WDR4: variants seen among roughly 807,000 people sequenced by gnomAD.
The protein encoded by WDR4 is WDR4 tRNA N7-guanosine methyltransferase non-catalytic subunit, also known as tRNA (guanine-N(7)-)-methyltransferase non-catalytic subunit WDR4.
A neutral mutation model predicts 48.6 loss-of-function variants in WDR4; 47 were observed. The observed-to-expected ratio is 0.97, with a 90% CI of 0.77 to 1.23. WDR4 has a LOEUF of 1.23. WDR4 is among the 50% of genes most tolerant of loss of function. The pLI, the probability that WDR4 is intolerant of heterozygous loss-of-function variation, is 0.00. For synonymous variants in WDR4, 268 were observed against 230.0 expected (o/e 1.17, Z -1.49); for missense variants, 606 against 551.6 (o/e 1.10, Z -0.99).
At chr21:42,870,619 C>T (rs1486116847) in intron 3 of WDR4, among the ~76,000 whole-genome samples, 1 of 152,122 alleles carries the variant, frequency 6.6e-6, no homozygotes, top group Non-Finnish European at 1.5e-5. Flanking sequence ...GAAACCCCTT[C>T]TCTACTAAAA....
At chr21:42,875,447 C>T (rs1225808134) in intron 2 of WDR4, among the ~76,000 whole-genome samples, 4 of 151,980 alleles carry the variant, frequency 2.6e-5, no homozygotes, top group Admixed American at 6.6e-5. Flanking sequence ...CCCAGCTACT[C>T]AGGAGGCTGA....
intron 10 of WDR4, among the ~76,000 whole-genome samples, chr21:42,851,796 C>G (rs1345865007): frequency 6.6e-6 from 1 of 152,210 alleles, no homozygotes; most frequent in East Asian, 1.9e-4. Flanking sequence ...CCATCCTGCC[C>G]CTGCTCAGCC....
At position 42,867,286 on chromosome 21, in the gene WDR4, G is replaced by A. The variant is rs926333480; in HGVS notation, c.297-3690C>T. ...CATTCCTATAATCCCAGCTACTCAG[G>A]AGGCTGAGGCAGGAGAATCGCTTGA... On this transcript the variant is annotated intron_variant, in intron 3 of 10. Transcript: ENST00000398208. Among the ~76,000 whole-genome samples the A allele has an allele frequency of 4.6e-5, 7 of 151,830 alleles. No homozygotes were observed. In the South Asian group the frequency reaches 1.5e-3, roughly 32 times the overall value.
At chr21:42,846,182 T>C (rs2057710084), downstream of WDR4, among the ~76,000 whole-genome samples, 1 of 151,520 alleles carries the variant, frequency 6.6e-6, no homozygotes, top group South Asian at 2.1e-4. Flanking sequence ...GCACTATTCC[T>C]AACAGCCAAA....
At chr21:42,874,639 C>T (rs1277767677) in intron 2 of WDR4, among the ~76,000 whole-genome samples, 5 of 151,930 alleles carry the variant, frequency 3.3e-5, no homozygotes, top group Non-Finnish European at 7.4e-5. Context: ...TGGGTGTGGC[C>T]ATCTTCTGGT....
rs2057898666 is a variant in WDR4 at position 42,853,647 on chromosome 21, C to G, written c.897G>C (p.Glu299Asp). ...CCTGGAGCACCCACAGCCCCTGGGTCTCCTCGAAAGCCACGTCCCACACTT... is the reference window on the plus strand; with the variant it reads ...CCTGGAGCACCCACAGCCCCTGGGTGTCCTCGAAAGCCACGTCCCACACTT... ...QHQVWDVAFE[E>D]TQGLWVLQDC... Residue 299 changes from glutamate (E) to aspartate (D), a missense_variant, in exon 9 of 11, where the codon GAG becomes GAC. Physicochemically the swap from Glu to Asp is conservative, Grantham distance 45. Transcript: ENST00000398208. 2 of 1,604,008 alleles carry G rather than the reference C, an allele frequency of 1.2e-6. No individual in the cohort carries two copies. The highest frequency in any genetic ancestry group is 1.3e-5 in the African/African-American group (1 of 74,900).
chr21:42,875,351 A>C (rs1165185768), intron 2 of WDR4, among the ~76,000 whole-genome samples: 1 of 152,138 alleles, frequency 6.6e-6, no homozygotes, highest in Non-Finnish European at 1.5e-5. Flanking sequence ...GGAGATCGAG[A>C]CCATCCTGGC....
At chr21:42,883,600 G>A (rs1396500325), upstream of WDR4, 2 of 153,738 alleles carry the variant, frequency 1.3e-5, no homozygotes, top group African/African-American at 2.4e-5. Flanking sequence ...TATGTGTACT[G>A]AGAAGAGAAG....
In WDR4 at chr21:42,860,539, T is replaced by A. The variant is rs534771640; in HGVS notation, c.567-817A>T. ...GGGGTGGCCCGTGAGCCTCACTCCATCTCCACCAGTCATGGCCTCTGCTAC... is the reference window on the plus strand; with the variant it reads ...GGGGTGGCCCGTGAGCCTCACTCCAACTCCACCAGTCATGGCCTCTGCTAC... On this transcript the variant is annotated intron_variant, in intron 5 of 10. Transcript: ENST00000398208. Among the ~76,000 whole-genome samples the A allele has an allele frequency of 3.9e-5, 6 of 152,200 alleles. No homozygotes were observed. The South Asian group carries it at 1.2e-3, about 32-fold the overall frequency.
chr21:42,870,137 G>C (rs2058338684), intron 3 of WDR4, among the ~76,000 whole-genome samples: 1 of 152,028 alleles, frequency 6.6e-6, no homozygotes, highest in South Asian at 2.1e-4. Flanking sequence ...GATCACCTGA[G>C]GTCATGAGTT....
upstream of WDR4, among the ~76,000 whole-genome samples, chr21:42,882,692 G>A (rs1485310356): frequency 6.6e-6 from 1 of 152,122 alleles, no homozygotes; most frequent in African/African-American, 2.4e-5. Flanking sequence ...GCCAGGCACG[G>A]TGACTCACAC....
intron 3 of WDR4, among the ~76,000 whole-genome samples, chr21:42,873,009 C>T (rs1403160293): frequency 3.9e-5 from 6 of 152,244 alleles, no homozygotes; most frequent in East Asian, 1.9e-4. Context: ...GAGGGCAAGG[C>T]ATAGCGATAT....
chr21:42,880,698 C>A (rs113469469), upstream of WDR4, among the ~76,000 whole-genome samples: 405 of 152,314 alleles, frequency 2.7e-3, 4 homozygotes, highest in African/African-American at 9.1e-3. Context: ...GGTGTCCCTC[C>A]TTTTCCAGCA....
At chr21:42,866,263 C>T (rs1416824595) in intron 3 of WDR4, among the ~76,000 whole-genome samples, 1 of 152,220 alleles carries the variant, frequency 6.6e-6, no homozygotes, top group Admixed American at 6.5e-5. Flanking sequence ...CGGTTCTAAA[C>T]TGCTACCTGG....
chr21:42,884,608 T>C, the WDR4 span, among the ~76,000 whole-genome samples: 17 of 148,902 alleles, frequency 1.1e-4, no homozygotes, highest in Non-Finnish European at 2.4e-4. Context: ...GATCACGCCA[T>C]TGCACTCCAG....
At position 42,879,472 on chromosome 21, in the gene WDR4, C is replaced by A. The variant is rs1394422104; in HGVS notation, c.24G>T (p.Ala8=). The A allele has an allele frequency of 6.2e-7, 1 of 1,613,708 alleles. No individual in the cohort carries two copies. Among genetic ancestry groups the A allele is most frequent in the Admixed American group, 1.7e-5 (1 of 60,014 alleles). Residue 8 remains alanine, a synonymous_variant, in exon 1 of 11, where the codon GCG becomes GCT. Coordinates refer to ENST00000398208, the MANE Select transcript of WDR4 (RefSeq NM_018669.6). MAGSVGL[A]LCGQTLVVRG... Reference sequence around the variant, plus strand: ...GCACCACCAACGTCTGCCCGCACAACGCCAGTCCCACAGAGCCCGCCATGT... The same window carrying A: ...GCACCACCAACGTCTGCCCGCACAAAGCCAGTCCCACAGAGCCCGCCATGT...
upstream of WDR4, among the ~76,000 whole-genome samples, chr21:42,880,950 G>A (rs1254738296): frequency 3.5e-5 from 4 of 112,922 alleles, no homozygotes; most frequent in Non-Finnish European, 6.0e-5. Context: ...TTTTTTTTTA[G>A]ACGGAGTCTC....
At chr21:42,876,189 G>A (rs1461092253) in intron 2 of WDR4, among the ~76,000 whole-genome samples, 1 of 147,278 alleles carries the variant, frequency 6.8e-6, no homozygotes, top group African/African-American at 2.6e-5. Context: ...ATAGGCATGA[G>A]CCACCGCACC....
In WDR4 at chr21:42,849,845, C is replaced by T; in HGVS notation, c.*204G>A. On this transcript the variant is annotated 3_prime_UTR_variant, in exon 11 of 11. Transcript: ENST00000398208. ...CTCCACTGGTCTGGCTTCCCTTCAA[C>T]CAGAAAGGGGGCACAGGCACCCAGC... 4 of 593,944 alleles carry T rather than the reference C, an allele frequency of 6.7e-6. No homozygotes were observed. In the East Asian group the frequency reaches 1.3e-4, roughly 19 times the overall value. 36.8% of individuals were successfully genotyped at this position (593,944 alleles called of 1,614,324 possible). A position where few individuals can be genotyped will look rare whatever the true frequency, so the allele number is the denominator to read the frequency against.
Sources: allele counts gnomAD v4.1 joint callset (sites outside exome capture counted in the v4.1 genomes callset), GRCh38; gene constraint gnomAD v4.1.1; transcripts MANE v1.5; gene names NCBI Gene and HGNC (gene_info 2026-07-23, HGNC 2026-07-21).